Variants in GTF3A observed in about 807,000 individuals in gnomAD.
The protein encoded by GTF3A is transcription factor IIIA.
Under a neutral mutation model 37.6 loss-of-function variants are expected in GTF3A, and 40 were observed. The ratio of observed to expected loss-of-function variants is 1.06; its 90% CI spans 0.83 to 1.38. The LOEUF (loss-of-function observed/expected upper bound fraction) is 1.38, where lower values mean the gene tolerates loss of function less well. GTF3A is among the 40% of genes most tolerant of loss of function. GTF3A has a pLI of 0.00. For synonymous variants in GTF3A, 191 were observed against 166.7 expected, an observed-to-expected ratio of 1.15 and a Z score of -1.12; for missense variants, 500 against 462.6, an observed-to-expected ratio of 1.08 and a Z score of -0.74.
In GTF3A at chr13:27,435,589, C is replaced by G. The variant is rs771533982; in HGVS notation, c.1090C>G (p.Leu364Val). 9.3e-6 allele frequency: 15 copies of G among 1,613,666 alleles called. No individual in the cohort carries two copies. Among genetic ancestry groups the G allele is most frequent in the Non-Finnish European group, 1.2e-5 (14 of 1,179,688 alleles). Residue 364 changes from leucine to valine, a missense_variant, in exon 9 of 9, where the codon CTT becomes GTT. Coordinates refer to ENST00000381140, the MANE Select transcript of GTF3A (RefSeq NM_002097.3). ...GCTCTCGACAGTTGCAGTACTTACC[C>G]TTGGCTAAGAACTGCACTGCTTTGT...
In GTF3A at chr13:27,435,528, A is replaced by G. The variant is rs564724426; in HGVS notation, c.1029A>G (p.Gln343=). The G allele has an allele frequency of 2.5e-6, 4 of 1,613,644 alleles. No individual in the cohort carries two copies. The highest frequency in any genetic ancestry group is 2.2e-5 in the South Asian group (2 of 91,066). ...AAGGGCAAGGCTTATCTTTGTGTCA[A>G]AACGGAGAGTCACCCAACTGTGTGG... The change falls in exon 9 of 9, where the codon CAA becomes CAG. Residue 343 remains glutamine, a synonymous_variant. Coordinates refer to ENST00000381140, the MANE Select transcript of GTF3A (RefSeq NM_002097.3).
intron 4 of GTF3A, 65 bp downstream of exon 4, chr13:27,430,686 G>A (rs1347758289): frequency 6.1e-6 from 6 of 989,308 alleles, no homozygotes; most frequent in Admixed American, 1.9e-5. Context: ...AAATGCAAGG[G>A]TGGTGTTGAG....
intron 1 of GTF3A, chr13:27,425,690 T>TCA (rs1566075125): frequency 6.6e-6 from 1 of 152,242 alleles, no homozygotes; most frequent in East Asian, 1.9e-4. Context: ...GCAGCCCATG[T>TCA]CACACACAAG....
Position 27,424,865 on chromosome 13 carries a change from C to G in GTF3A, c.128C>G (p.Ser43Cys). The G allele has an allele frequency of 6.5e-7, 1 of 1,550,218 alleles. No individual in the cohort carries two copies. Among genetic ancestry groups the G allele is most frequent in the Non-Finnish European group, 8.7e-7 (1 of 1,146,426 alleles). ...GCGCTTCCCAGGAGGTTCATCTGCTCCTTCCCTGACTGCAGCGCCAATTAC... is the reference window on the plus strand; with the variant it reads ...GCGCTTCCCAGGAGGTTCATCTGCTGCTTCCCTGACTGCAGCGCCAATTAC... The change falls in exon 1 of 9, where the codon TCC becomes TGC. Residue 43 changes from serine to cysteine, a missense_variant. Transcript: ENST00000381140.
At position 27,424,772 on chromosome 13, in the gene GTF3A, C is replaced by T. The variant is rs1173403172; in HGVS notation, c.35C>T (p.Ser12Leu). Residue 12 changes from serine (S) to leucine (L), a missense_variant, in exon 1 of 9, where the codon TCG becomes TTG. Transcript: ENST00000381140. ...CCGGCCGTGGTCGCCGAGTCGGTGTCGTCCTTGACCATCGCCGACGCGTTC... is the reference window on the plus strand; with the variant it reads ...CCGGCCGTGGTCGCCGAGTCGGTGTTGTCCTTGACCATCGCCGACGCGTTC... 2 of 1,525,684 alleles carry T rather than the reference C, an allele frequency of 1.3e-6. No homozygotes were observed. Among genetic ancestry groups the T allele is most frequent in the Non-Finnish European group, 1.8e-6 (2 of 1,137,384 alleles). 94.5% of individuals were successfully genotyped at this position (1,525,684 alleles called of 1,614,324 possible). A position where few individuals can be genotyped will look rare whatever the true frequency, so the allele number is the denominator to read the frequency against.
chr13:27,434,243 C>T (rs762954563), intron 6 of GTF3A, 24 bp downstream of exon 6: 1 of 886,282 alleles, frequency 1.1e-6, no homozygotes, highest in Non-Finnish European at 1.9e-6. Context: ...GAATGGCAGG[C>T]ATGGTGTAAA....
rs781509543 is a variant in GTF3A, at chr13:27,434,883, C to T, written c.722C>T (p.Pro241Leu). 2.3e-5 allele frequency: 37 copies of T among 1,612,962 alleles called. No individual in the cohort carries two copies. Among genetic ancestry groups the T allele is most frequent in the Admixed American group, 3.3e-5 (2 of 60,000 alleles). The change falls in exon 7 of 9, where the codon CCA becomes CTA. Residue 241 changes from proline to leucine, a missense_variant. Coordinates refer to ENST00000381140, the MANE Select transcript of GTF3A (RefSeq NM_002097.3). ...AAGCAACACATGAAAACTCATGCCCCAGAAAGGGATGTATGTCGCTGTCCA... is the reference window on the plus strand; with the variant it reads ...AAGCAACACATGAAAACTCATGCCCTAGAAAGGGATGTATGTCGCTGTCCA...
intron 5 of GTF3A, among the ~76,000 whole-genome samples, chr13:27,433,320 A>ATTT (rs137955568): frequency 6.9e-6 from 1 of 145,290 alleles, no homozygotes; most frequent in South Asian, 2.1e-4. Context: ...AGAATTTATG[A>ATTT]TTTTTTTTTT....
Position 27,435,540 on chromosome 13 carries a change from A to G in GTF3A, c.1041A>G (p.Ser347=). 1 of 1,613,328 alleles carries G rather than the reference A, an allele frequency of 6.2e-7. No homozygotes were observed. Among genetic ancestry groups the G allele is most frequent in the South Asian group, 1.1e-5 (1 of 91,058 alleles). Reference sequence around the variant, plus strand: ...TATCTTTGTGTCAAAACGGAGAGTCACCCAACTGTGTGGAAGACAAGATGC... The same window carrying G: ...TATCTTTGTGTCAAAACGGAGAGTCGCCCAACTGTGTGGAAGACAAGATGC... Residue 347 remains serine, a synonymous_variant, in exon 9 of 9, where the codon TCA becomes TCG. Coordinates refer to ENST00000381140, the MANE Select transcript of GTF3A (RefSeq NM_002097.3).
intron 4 of GTF3A, 101 bp downstream of exon 4, chr13:27,430,722 T>C (rs1953649546): frequency 1.3e-6 from 1 of 749,498 alleles, no homozygotes; most frequent in Admixed American, 2.2e-5. Context: ...TTTGGCCATT[T>C]GTATATCTTC....
intron 3 of GTF3A, 117 bp from the exon 4 acceptor site, chr13:27,430,416 G>T: frequency 1.6e-6 from 1 of 616,544 alleles, no homozygotes; most frequent in Non-Finnish European, 2.8e-6. Flanking sequence ...TAACAAAATG[G>T]GTGAAAGCAG....
At chr13:27,427,305 C>T (rs1216349101) in intron 2 of GTF3A, 113 bp downstream of exon 2, 43 of 666,648 alleles carry the variant, frequency 6.5e-5, no homozygotes, top group Non-Finnish European at 8.6e-5. Context: ...TGGCAGGGCT[C>T]GGTGGCTCAT....
In GTF3A at chr13:27,430,604, C is replaced by A; in HGVS notation, c.471C>A (p.Thr157=). The stretch of plus-strand genomic sequence containing the variant: ...TGAAAATCCATCAGTGCCAGCATAC[C>A]AATGAACCTCTATTCAAGTAGGTAC... The change falls in exon 4 of 9, where the codon ACC becomes ACA. Residue 157 remains threonine (T), a synonymous_variant. Coordinates refer to ENST00000381140, the MANE Select transcript of GTF3A (RefSeq NM_002097.3). 6.2e-7 allele frequency: 1 copy of A among 1,605,364 alleles called. No individual in the cohort carries two copies. Among genetic ancestry groups the A allele is most frequent in the Non-Finnish European group, 8.5e-7 (1 of 1,172,384 alleles).
rs1048241464 is a variant in GTF3A, at chr13:27,432,732, T to A, written c.490T>A (p.Cys164Ser). 1.9e-6 allele frequency: 3 copies of A among 1,602,360 alleles called. No homozygotes were observed. The highest frequency in any genetic ancestry group is 2.7e-5 in the African/African-American group (2 of 74,746). ...ATACCTCATGTGTTGCCAATGCAGG[T>A]GTACCCAGGAAGGATGTGGGAAACA... The change falls in exon 5 of 9, where the codon TGT becomes AGT. Residue 164 changes from cysteine to serine, a missense_variant and splice_region_variant. Physicochemically the swap from Cys to Ser is moderately radical, Grantham distance 112. Coordinates refer to ENST00000381140, the MANE Select transcript of GTF3A (RefSeq NM_002097.3).
chr13:27,426,712 T>C (rs1039774857), intron 1 of GTF3A, among the ~76,000 whole-genome samples: 1 of 152,194 alleles, frequency 6.6e-6, no homozygotes, highest in African/African-American at 2.4e-5. Flanking sequence ...TGCCCTAGGC[T>C]TGCTTTTTTA....
chr13:27,435,410 G>C, intron 8 of GTF3A, 23 bp from the exon 9 acceptor site: 1 of 1,603,494 alleles, frequency 6.2e-7, no homozygotes, highest in Non-Finnish European at 8.5e-7. Context: ...AATTCTAATC[G>C]TGTGTCTTCC....
At chr13:27,426,598 G>A (rs1282964064) in intron 1 of GTF3A, among the ~76,000 whole-genome samples, 1 of 152,222 alleles carries the variant, frequency 6.6e-6, no homozygotes, top group Non-Finnish European at 1.5e-5. Flanking sequence ...CCTGGCACCT[G>A]TGAGCTTTTT....
In GTF3A at chr13:27,431,212, G is replaced by T. The variant is rs79902512; in HGVS notation, c.488+591G>T. 8.1e-4 allele frequency among the ~76,000 whole-genome samples: 123 copies of T among 152,218 alleles called. 1 individual carries two copies. The highest frequency in any genetic ancestry group is 1.5e-3 in the Non-Finnish European group (99 of 67,994). ...AAGTATTTGGCTTTATTTCTGTTTT[G>T]TTCCATTGGTCTAAGTGCCTATTTT... On this transcript the variant is annotated intron_variant, in intron 4 of 8. Coordinates refer to ENST00000381140, the MANE Select transcript of GTF3A (RefSeq NM_002097.3).
chr13:27,426,410 C>T (rs942760270), intron 1 of GTF3A: 1 of 152,100 alleles, frequency 6.6e-6, no homozygotes, highest in Non-Finnish European at 1.5e-5. Context: ...CTCGGTGCCT[C>T]CCTCCTGGAC....
Sources: gnomAD v4.1 joint callset for allele counts (sites outside exome capture counted in the v4.1 genomes callset) on GRCh38, gnomAD v4.1.1 for gene constraint, MANE v1.5 for transcripts, NCBI Gene and HGNC (gene_info 2026-07-23, HGNC 2026-07-21) for gene names.